The following YTHDC2 variants were observed in gnomAD, a reference collection of about 807,000 sequenced individuals.
The protein encoded by YTHDC2 is YTH N6-methyladenosine RNA binding protein C2.
A neutral mutation model predicts 174.9 loss-of-function variants in YTHDC2; 45 were observed. The observed-to-expected ratio is 0.26, with a 90% CI of 0.20 to 0.33. The LOEUF is 0.33. Ranked by LOEUF, YTHDC2 falls within the 10% of genes least tolerant of loss-of-function variation. YTHDC2 has a pLI of 1.00. For missense variants in YTHDC2, 1,650 were observed against 1,723.7 expected, an observed-to-expected ratio of 0.96 and a Z score of 0.76; for synonymous variants, 657 against 574.5, an observed-to-expected ratio of 1.14 and a Z score of -2.05.
chr5:113,584,380 A>G lies in YTHDC2; in HGVS notation c.3726A>G (p.Arg1242=), dbSNP rs776006722. 8 of 1,613,788 alleles carry G rather than the reference A, an allele frequency of 5.0e-6. No individual in the cohort carries two copies. The highest frequency in any genetic ancestry group is 1.3e-5 in the African/African-American group (1 of 74,900). ...ATAGAGGAATTTTACATCCTAAACGAGGTACTGAGGACCGATCAGATCAGT... is the reference window on the plus strand; with the variant it reads ...ATAGAGGAATTTTACATCCTAAACGGGGTACTGAGGACCGATCAGATCAGT... ...YKDRGILHPK[R]GTEDRSDQSS... is the part of the protein sequence containing the mutation. The change falls in exon 26 of 30, where the codon CGA becomes CGG. Residue 1242 remains arginine (R), a synonymous_variant. Coordinates refer to ENST00000161863, the MANE Select transcript of YTHDC2 (RefSeq NM_022828.5).
chr5:113,581,947 C>G (rs1479092179), intron 25 of YTHDC2: 2 of 298,508 alleles, frequency 6.7e-6, no homozygotes, highest in African/African-American at 2.2e-5. Context: ...TAAGGCAACT[C>G]TTTGTCAGGA....
chr5:113,541,853 G>A (rs1775500257), intron 9 of YTHDC2, among the ~76,000 whole-genome samples: 1 of 151,800 alleles, frequency 6.6e-6, no homozygotes, highest in African/African-American at 2.4e-5. Context: ...AAAACATATA[G>A]TATAGACTTA....
Position 113,593,303 on chromosome 5 carries a change from G to T in YTHDC2, c.4213G>T (p.Glu1405Ter). ...KKVQISRDGQ[E>*]LEPLVGEQLL... is the part of the protein sequence containing the mutation. ...TTATTTTGACTTCTGATTTATCTAG[G>T]AACTAGAACCTCTGGTTGGTGAACA... The change falls in exon 29 of 30, where the codon GAA (glutamate) becomes TAA (stop). Residue 1405 changes from glutamate (E) to a stop codon, truncating the protein, a stop_gained and splice_region_variant. Transcript: ENST00000161863. LOFTEE classifies it high-confidence loss of function. The T allele has an allele frequency of 6.2e-7, 1 of 1,611,208 alleles. No homozygotes were observed. Among genetic ancestry groups the T allele is most frequent in the South Asian group, 1.1e-5 (1 of 90,888 alleles).
chr5:113,574,814 T>G (rs922524513), intron 23 of YTHDC2, among the ~76,000 whole-genome samples: 10 of 150,892 alleles, frequency 6.6e-5, no homozygotes, highest in Non-Finnish European at 1.3e-4. Context: ...AACTCCTACG[T>G]TTCTGTGTGT....
intron 10 of YTHDC2, among the ~76,000 whole-genome samples, chr5:113,545,140 C>G (rs567955660): frequency 3.3e-5 from 5 of 152,216 alleles, no homozygotes; most frequent in African/African-American, 1.2e-4. Context: ...TAAGCTTTCT[C>G]TGTTTGTCAA....
chr5:113,554,133 A>T, intron 16 of YTHDC2, 111 bp downstream of exon 16: 1 of 1,005,030 alleles, frequency 9.9e-7, no homozygotes, highest in Non-Finnish European at 1.4e-6. Context: ...ACCTCTACTC[A>T]AGACAGCTTG....
intron 17 of YTHDC2, among the ~76,000 whole-genome samples, chr5:113,558,884 T>G (rs1204331227): frequency 6.8e-6 from 1 of 146,962 alleles, no homozygotes; most frequent in Non-Finnish European, 1.5e-5. Flanking sequence ...ACCACGCCAT[T>G]GCACTCCAGC....
intron 4 of YTHDC2, among the ~76,000 whole-genome samples, chr5:113,528,444 C>G (rs1428981604): frequency 6.6e-6 from 1 of 151,924 alleles, no homozygotes; most frequent in Non-Finnish European, 1.5e-5. Context: ...AAGTTAAGTG[C>G]TTTTTGAATA....
chr5:113,537,097 A>G (rs751535331), intron 7 of YTHDC2, among the ~76,000 whole-genome samples: 1 of 152,174 alleles, frequency 6.6e-6, no homozygotes, highest in Non-Finnish European at 1.5e-5. Context: ...TTTTATGTAT[A>G]TCCTGATGTA....
chr5:113,524,962 G>T lies in YTHDC2; in HGVS notation c.279-19G>T. 1 of 1,530,852 alleles carries T rather than the reference G, an allele frequency of 6.5e-7. No individual in the cohort carries two copies. Among genetic ancestry groups the T allele is most frequent in the South Asian group, 1.3e-5 (1 of 79,856 alleles). 94.8% of individuals were successfully genotyped at this position (1,530,852 alleles called of 1,614,324 possible). A position where few individuals can be genotyped will look rare whatever the true frequency, so the allele number is the denominator to read the frequency against. On this transcript the variant is annotated intron_variant, in intron 2 of 29. Transcript: ENST00000161863. ...AGTTGACTTTATATAGTAAATAAAT[G>T]ATTTTTATTAATATTCAGAAAGGGA...
chr5:113,564,590 A>ATCTC (rs1298032126), intron 20 of YTHDC2, among the ~76,000 whole-genome samples: 1 of 152,162 alleles, frequency 6.6e-6, no homozygotes, highest in African/African-American at 2.4e-5. Context: ...TAATTTTGTA[A>ATCTC]AGCAAAATAC....
At chr5:113,562,392 G>A (rs1003561236) in intron 18 of YTHDC2, among the ~76,000 whole-genome samples, 6 of 150,228 alleles carry the variant, frequency 4.0e-5, no homozygotes, top group Non-Finnish European at 1.5e-5. Context: ...GGCTAATGCT[G>A]GCTTCCAAAC....
rs1016899540 is a variant in YTHDC2, at chr5:113,563,401, C to T, written c.2351C>T (p.Ala784Val). The change falls in exon 19 of 30, where the codon GCC (alanine) becomes GTC (valine). Residue 784 changes from alanine (A) to valine (V), a missense_variant. Transcript: ENST00000161863. The part of the protein sequence containing the change: ...QELCLHTKLL[A>V]PVNCPIADFL... ...CTTTGCTTACATACCAAGCTGTTAG[C>T]CCCAGTTAATTGTCCCATTGCTGAT... 6.2e-7 allele frequency: 1 copy of T among 1,610,884 alleles called. No homozygotes were observed. Among genetic ancestry groups the T allele is most frequent in the Admixed American group, 1.7e-5 (1 of 59,882 alleles).
rs573627075 is a variant in YTHDC2 at position 113,591,980 on chromosome 5, C to G, written c.4030-16C>G. 1 of 1,585,584 alleles carries G rather than the reference C, an allele frequency of 6.3e-7. No individual in the cohort carries two copies. Among genetic ancestry groups the G allele is most frequent in the South Asian group, 1.2e-5 (1 of 86,792 alleles). ...CTCCTCCTCACCTCTATTCCTTCCT[C>G]CCATTTTACCTACAGGGATTTTCTA... On this transcript the variant is annotated splice_polypyrimidine_tract_variant and intron_variant, in intron 27 of 29. Coordinates refer to ENST00000161863, the MANE Select transcript of YTHDC2 (RefSeq NM_022828.5).
intron 17 of YTHDC2, among the ~76,000 whole-genome samples, chr5:113,556,565 A>C (rs992951200): frequency 6.6e-6 from 1 of 152,180 alleles, no homozygotes; most frequent in African/African-American, 2.4e-5. Context: ...TATACTACCT[A>C]ATATGTATCT....
At chr5:113,538,157 T>A (rs572654118) in intron 7 of YTHDC2, among the ~76,000 whole-genome samples, 2 of 152,030 alleles carry the variant, frequency 1.3e-5, no homozygotes, top group Non-Finnish European at 2.9e-5. Context: ...GCTCTAGAAT[T>A]TGTCTGCTTC....
intron 17 of YTHDC2, among the ~76,000 whole-genome samples, chr5:113,558,895 C>G (rs1165563691): frequency 6.9e-6 from 1 of 144,216 alleles, no homozygotes; most frequent in African/African-American, 2.7e-5. Flanking sequence ...GCACTCCAGC[C>G]TGGGTGACAG....
chr5:113,560,902 C>G (rs1776918800), intron 17 of YTHDC2, among the ~76,000 whole-genome samples, 178 bp from the exon 18 acceptor site: 1 of 152,142 alleles, frequency 6.6e-6, no homozygotes, highest in Non-Finnish European at 1.5e-5. Context: ...ATAATTGAGA[C>G]CCAGACTAGT....
chr5:113,513,751 C>T lies in YTHDC2; in HGVS notation c.-145C>T. The T allele has an allele frequency of 1.2e-6, 1 of 823,624 alleles. No homozygotes were observed. Among genetic ancestry groups the T allele is most frequent in the Non-Finnish European group, 1.8e-6 (1 of 559,862 alleles). The allele number at this position is 823,624 out of a possible 1,614,324, so 51.0% of individuals were successfully genotyped here. On this transcript the variant is annotated 5_prime_UTR_variant, in exon 1 of 30. Transcript: ENST00000161863. Reference sequence around the variant, plus strand: ...GGCTTCACTTCTGCTGTGGCGGTGACTGAGGCCTTTCTGGTGACCTCAGCC... The same window carrying T: ...GGCTTCACTTCTGCTGTGGCGGTGATTGAGGCCTTTCTGGTGACCTCAGCC...
Sources: gnomAD v4.1 joint callset for allele counts (sites outside exome capture counted in the v4.1 genomes callset) on GRCh38, gnomAD v4.1.1 for gene constraint, MANE v1.5 for transcripts, NCBI Gene and HGNC (gene_info 2026-07-23, HGNC 2026-07-21) for gene names.